The following MACROD2 variants were observed in gnomAD, a reference collection of about 807,000 sequenced individuals.
The protein encoded by MACROD2 is ADP-ribose glycohydrolase MACROD2.
In MACROD2, 36 loss-of-function variants were observed where a neutral mutation model predicts 70.4. That is an observed-to-expected ratio of 0.51 (90% CI 0.39 to 0.68). The LOEUF (loss-of-function observed/expected upper bound fraction) is 0.68. Ranked by LOEUF, MACROD2 falls within the 30% of genes least tolerant of loss-of-function variation. The pLI, the probability that MACROD2 is intolerant of heterozygous loss-of-function variation, is 0.00. For missense variants in MACROD2, 496 were observed against 538.4 expected, an observed-to-expected ratio of 0.92 and a Z score of 0.78; for synonymous variants, 172 against 178.8, an observed-to-expected ratio of 0.96 and a Z score of 0.30.
Position 15,206,721 on chromosome 20 carries a change from G to GTTTTT in MACROD2, c.419-23197_419-23193dup, listed in dbSNP as rs56752104. Among the ~76,000 whole-genome samples, 15 of 32,990 alleles carry GTTTTT rather than the reference G, an allele frequency of 4.5e-4. 4 individuals carry two copies. The highest frequency in any genetic ancestry group is 1.1e-3 in the African/African-American group (7 of 6,532). The allele number at this position is 32,990 out of a possible 152,430, so 21.6% of individuals were successfully genotyped here. ...GCATGAAGTCTTTCATATTATCTATGTTTTTTTTTTTTTTTTTTTTTTTTT... is the reference window on the plus strand; with the variant it reads ...GCATGAAGTCTTTCATATTATCTATGTTTTTTTTTTTTTTTTTTTTTTTTTTTTTT... On this transcript the variant is annotated intron_variant, in intron 5 of 17. Transcript: ENST00000684519.
At chr20:14,534,967 G>T (rs1162487339) in intron 4 of MACROD2, among the ~76,000 whole-genome samples, 1 of 152,204 alleles carries the variant, frequency 6.6e-6, no homozygotes, top group African/African-American at 2.4e-5. Flanking sequence ...GACAATAGAT[G>T]AAAGAGGCAA....
intron 8 of MACROD2, among the ~76,000 whole-genome samples, chr20:15,583,850 C>T (rs1316867350): frequency 6.6e-6 from 1 of 152,126 alleles, no homozygotes; most frequent in Non-Finnish European, 1.5e-5. Context: ...CCATGTTGGC[C>T]AGGCTGGTCT....
At chr20:15,231,445 G>A (rs964589274) in intron 6 of MACROD2, among the ~76,000 whole-genome samples, 1 of 151,946 alleles carries the variant, frequency 6.6e-6, no homozygotes, top group African/African-American at 2.4e-5. Context: ...ATTTAAAAAA[G>A]CAAAAGACTG....
intron 8 of MACROD2, among the ~76,000 whole-genome samples, chr20:15,683,329 A>C (rs2050185569): frequency 6.6e-6 from 1 of 152,254 alleles, no homozygotes; most frequent in Non-Finnish European, 1.5e-5. Flanking sequence ...AAGCATTGCA[A>C]GAATGAATTG....
intron 5 of MACROD2, among the ~76,000 whole-genome samples, chr20:14,985,892 T>C (rs536387175): frequency 1.3e-5 from 2 of 152,208 alleles, no homozygotes; most frequent in Admixed American, 1.3e-4. Context: ...TTTCACCTGG[T>C]CCTTCCAAAG....
At chr20:14,741,037 A>G (rs1487361598) in intron 5 of MACROD2, among the ~76,000 whole-genome samples, 1 of 152,218 alleles carries the variant, frequency 6.6e-6, no homozygotes, top group Non-Finnish European at 1.5e-5. Flanking sequence ...TCATCCAGAA[A>G]TAATTAATCT....
chr20:15,564,653 A>C (rs769035875), intron 8 of MACROD2, among the ~76,000 whole-genome samples: 3 of 152,166 alleles, frequency 2.0e-5, no homozygotes, highest in Non-Finnish European at 2.9e-5. Flanking sequence ...GGTTTCATGA[A>C]AATGCTTTTT....
chr20:14,857,460 T>A (rs1410970947), intron 5 of MACROD2, among the ~76,000 whole-genome samples: 1 of 152,206 alleles, frequency 6.6e-6, no homozygotes, highest in East Asian at 1.9e-4. Flanking sequence ...CTAACATTTG[T>A]GCCCATTAAC....
At chr20:14,325,662 A>G in intron 3 of MACROD2, 1 of 1,613,802 alleles carries the variant, frequency 6.2e-7, no homozygotes, top group Non-Finnish European at 8.5e-7. Flanking sequence ...CATTAGGAGG[A>G]AATATGGTGT....
chr20:14,101,993 CTTT>C (rs66890047), intron 3 of MACROD2, among the ~76,000 whole-genome samples: 630 of 25,042 alleles, frequency 0.025, no homozygotes, highest in South Asian at 0.056. Flanking sequence ...TTTAATGAGT[CTTT>C]TTTTTTTTTT....
At chr20:15,523,948 T>C (rs530417345) in intron 8 of MACROD2, among the ~76,000 whole-genome samples, 11 of 152,272 alleles carry the variant, frequency 7.2e-5, no homozygotes, top group Non-Finnish European at 1.3e-4. Context: ...TCTCTTGTCT[T>C]TATTTTCCAG....
chr20:15,691,379 G>A (rs942958405), intron 8 of MACROD2, among the ~76,000 whole-genome samples: 1 of 152,032 alleles, frequency 6.6e-6, no homozygotes, highest in Non-Finnish European at 1.5e-5. Flanking sequence ...TGTATCAAAC[G>A]TATTATATAC....
chr20:16,016,544 T>A (rs2066931310), intron 15 of MACROD2, among the ~76,000 whole-genome samples: 1 of 152,042 alleles, frequency 6.6e-6, no homozygotes, highest in Non-Finnish European at 1.5e-5. Context: ...AAATGAGGGG[T>A]TTTTTTGTTT....
At chr20:14,660,894 T>A (rs1986193424) in intron 4 of MACROD2, among the ~76,000 whole-genome samples, 1 of 152,160 alleles carries the variant, frequency 6.6e-6, no homozygotes, top group East Asian at 1.9e-4. Flanking sequence ...TTCTTTTTTT[T>A]AATGGCTGTG....
intron 3 of MACROD2, among the ~76,000 whole-genome samples, chr20:14,154,979 T>C (rs1569182518): frequency 1.3e-5 from 2 of 152,306 alleles, no homozygotes; most frequent in Admixed American, 6.5e-5. Flanking sequence ...TTTCTTTGCA[T>C]CTCACCAGCA....
chr20:14,014,967 A>AT (rs61499812), intron 2 of MACROD2, among the ~76,000 whole-genome samples: 62 of 113,174 alleles, frequency 5.5e-4, no homozygotes, highest in African/African-American at 8.0e-4. Flanking sequence ...TGCCCAGCAA[A>AT]TTTTTTTTTT....
chr20:14,789,460 A>ATTTTT (rs3045609), intron 5 of MACROD2, among the ~76,000 whole-genome samples: 1,769 of 48,188 alleles, frequency 0.037, 431 homozygotes, highest in Middle Eastern at 0.068. Context: ...GGTAGTGCAA[A>ATTTTT]TTTTTTTTTT....
At chr20:15,757,290 A>T (rs62194686) in intron 8 of MACROD2, among the ~76,000 whole-genome samples, 17,232 of 152,146 alleles carry the variant, frequency 0.11, 1,105 homozygotes, top group Admixed American at 0.14. Context: ...TTTTCAATAG[A>T]AGGAGAGATC....
intron 8 of MACROD2, among the ~76,000 whole-genome samples, chr20:15,613,867 T>C (rs940968657): frequency 1.3e-5 from 2 of 152,238 alleles, no homozygotes; most frequent in Non-Finnish European, 2.9e-5. Flanking sequence ...TACAGAGGCA[T>C]AGTGACTGAT....
Sources: allele counts gnomAD v4.1 joint callset (sites outside exome capture counted in the v4.1 genomes callset), GRCh38; gene constraint gnomAD v4.1.1; transcripts MANE v1.5; gene names NCBI Gene and HGNC (gene_info 2026-07-23, HGNC 2026-07-21).